Variants in GARRE1 observed in about 807,000 individuals in gnomAD.
GARRE1 encodes granule associated Rac and RHOG effector 1, also known as granule associated Rac and RHOG effector protein 1.
Under a neutral mutation model 103.2 loss-of-function variants are expected in GARRE1, and 49 were observed. The observed-to-expected ratio is 0.47, with a 90% CI of 0.38 to 0.60. GARRE1 has a LOEUF of 0.60. Ranked by LOEUF, GARRE1 falls within the 20% of genes least tolerant of loss-of-function variation. The probability of loss-of-function intolerance (pLI) is 0.00; values close to 1 mark genes in which losing one functional copy is unlikely to be tolerated. For missense variants in GARRE1, 1,199 were observed against 1,370.5 expected, an observed-to-expected ratio of 0.87 and a Z score of 1.98; for synonymous variants, 505 against 532.8, an observed-to-expected ratio of 0.95 and a Z score of 0.72.
At chr19:34,325,615 A>G (rs1240339900) in intron 3 of GARRE1, among the ~76,000 whole-genome samples, 1 of 152,164 alleles carries the variant, frequency 6.6e-6, no homozygotes, top group African/African-American at 2.4e-5. Flanking sequence ...TGTTCAGGGA[A>G]TCGTTACTTC....
chr19:34,353,501 G>C lies in GARRE1; in HGVS notation c.*546G>C, dbSNP rs145522266. ...ATATTTTAAGATAACAGATATACTG[G>C]CTGGAGGTTTGTTTAACACTATCTA... On this transcript the variant is annotated 3_prime_UTR_variant, in exon 14 of 14. Coordinates refer to ENST00000299505, the MANE Select transcript of GARRE1 (RefSeq NM_014686.5). 6.5e-6 allele frequency: 1 copy of C among 153,766 alleles called. No homozygotes were observed. The highest frequency in any genetic ancestry group is 1.9e-4 in the East Asian group (1 of 5,194). The allele number at this position is 153,766 out of a possible 1,614,324, so 9.5% of individuals were successfully genotyped here.
chr19:34,348,095 AG>A, intron 11 of GARRE1, 53 bp downstream of exon 11: 2 of 1,357,962 alleles, frequency 1.5e-6, no homozygotes, highest in African/African-American at 3.0e-5. Context: ...GTGTCCCCCG[AG>A]GGGCCTGTGA....
intron 1 of GARRE1, among the ~76,000 whole-genome samples, chr19:34,291,356 A>T (rs1358751215): frequency 6.6e-6 from 1 of 152,222 alleles, no homozygotes; most frequent in Non-Finnish European, 1.5e-5. Context: ...ATTTATTATT[A>T]TTAGTTTTTG....
intron 8 of GARRE1, among the ~76,000 whole-genome samples, chr19:34,337,102 G>GTTT: frequency 6.8e-6 from 1 of 147,672 alleles, no homozygotes. Context: ...TTGTTGGGAA[G>GTTT]AACACAAACA....
chr19:34,269,474 TA>T (rs1267105482), intron 1 of GARRE1, among the ~76,000 whole-genome samples: 1 of 152,260 alleles, frequency 6.6e-6, no homozygotes, highest in Non-Finnish European at 1.5e-5. Context: ...CATAGCTCAG[TA>T]TAGGATAACA....
In GARRE1 at chr19:34,352,728, G is replaced by A. The variant is rs187942647; in HGVS notation, c.2986G>A (p.Ala996Thr). The change falls in exon 14 of 14, where the codon GCA becomes ACA. Residue 996 changes from alanine to threonine, a missense_variant. Ala to Thr is a moderately conservative substitution (Grantham distance 58, BLOSUM62 0). Transcript: ENST00000299505. Reference sequence around the variant, plus strand: ...TCCCAGCACGCTGCCCAGCCCCAGCGCACCACTCTATGCAGTCACCAGCCC... The same window carrying A: ...TCCCAGCACGCTGCCCAGCCCCAGCACACCACTCTATGCAGTCACCAGCCC... ...PLPSTLPSPS[A>T]PLYAVTSPGS... 3.6e-4 allele frequency: 574 copies of A among 1,614,010 alleles called. No homozygotes were observed. Among genetic ancestry groups the A allele is most frequent in the East Asian group, 1.3e-3 (57 of 44,870 alleles).
chr19:34,271,182 A>G (rs1200248417), intron 1 of GARRE1, among the ~76,000 whole-genome samples: 1 of 151,244 alleles, frequency 6.6e-6, no homozygotes, highest in Non-Finnish European at 1.5e-5. Context: ...TTAGTTTGCT[A>G]CTTAGAGTAT....
At chr19:34,262,585 C>G (rs1422884730) in intron 1 of GARRE1, among the ~76,000 whole-genome samples, 1 of 152,048 alleles carries the variant, frequency 6.6e-6, no homozygotes, top group Non-Finnish European at 1.5e-5. Context: ...CGTGAGTCAC[C>G]TCGCCTGGCC....
intron 9 of GARRE1, among the ~76,000 whole-genome samples, chr19:34,340,806 C>A (rs936345971): frequency 6.6e-6 from 1 of 152,188 alleles, no homozygotes; most frequent in African/African-American, 2.4e-5. Flanking sequence ...GCGTGAGCCA[C>A]CATGCCCAAC....
chr19:34,304,451 C>T (rs1006621041), intron 2 of GARRE1, among the ~76,000 whole-genome samples: 2 of 150,598 alleles, frequency 1.3e-5, no homozygotes, highest in African/African-American at 2.5e-5. Flanking sequence ...TCTTGGCTCA[C>T]AGCAGCCTCT....
chr19:34,312,741 AC>A (rs1352093146), intron 2 of GARRE1, among the ~76,000 whole-genome samples: 1 of 152,160 alleles, frequency 6.6e-6, no homozygotes, highest in East Asian at 1.9e-4. Flanking sequence ...AGCCTGGCCA[AC>A]ATGGTGAAAC....
At position 34,352,700 on chromosome 19, in the gene GARRE1, G is replaced by T; in HGVS notation, c.2958G>T (p.Pro986=). 2 of 1,613,704 alleles carry T rather than the reference G, an allele frequency of 1.2e-6. No homozygotes were observed. Among genetic ancestry groups the T allele is most frequent in the South Asian group, 1.1e-5 (1 of 91,068 alleles). The change falls in exon 14 of 14, where the codon CCG becomes CCT. Residue 986 remains proline, a synonymous_variant. Transcript: ENST00000299505. ...AAGCACCCTGGCAGCACCCTTCCCCGCTTCCCAGCACGCTGCCCAGCCCCA... is the reference window on the plus strand; with the variant it reads ...AAGCACCCTGGCAGCACCCTTCCCCTCTTCCCAGCACGCTGCCCAGCCCCA... ...PPKAPWQHPS[P]LPSTLPSPSA...
At chr19:34,314,096 C>T (rs193202727) in intron 2 of GARRE1, among the ~76,000 whole-genome samples, 424 of 152,216 alleles carry the variant, frequency 2.8e-3, no homozygotes, top group Non-Finnish European at 4.2e-3. Flanking sequence ...CCACCGTGCC[C>T]GGCCAAAACT....
chr19:34,286,759 C>T (rs567273005), intron 1 of GARRE1, among the ~76,000 whole-genome samples: 1 of 152,144 alleles, frequency 6.6e-6, no homozygotes, highest in East Asian at 1.9e-4. Context: ...CCTCGGCCTC[C>T]CAAAGTGCTG....
chr19:34,320,850 G>A (rs2074084139), intron 3 of GARRE1, among the ~76,000 whole-genome samples: 1 of 149,488 alleles, frequency 6.7e-6, no homozygotes, highest in South Asian at 2.1e-4. Context: ...CCTCTTCCAA[G>A]TAGCTGGGAC....
At chr19:34,340,280 A>G (rs2145278362) in intron 9 of GARRE1, among the ~76,000 whole-genome samples, 1 of 152,278 alleles carries the variant, frequency 6.6e-6, no homozygotes, top group South Asian at 2.1e-4. Flanking sequence ...AACTCAACTC[A>G]TATTCTCCTT....
At chr19:34,303,709 G>A (rs1348287005) in intron 2 of GARRE1, among the ~76,000 whole-genome samples, 2 of 152,070 alleles carry the variant, frequency 1.3e-5, no homozygotes, top group East Asian at 1.9e-4. Context: ...TCCGCTGCCC[G>A]GGTTCAAGCA....
At chr19:34,332,270 G>A (rs1404511097) in intron 7 of GARRE1, among the ~76,000 whole-genome samples, 2 of 152,198 alleles carry the variant, frequency 1.3e-5, no homozygotes, top group South Asian at 2.1e-4. Flanking sequence ...TCCAAAAGAA[G>A]TAGTAAACCA....
At chr19:34,322,692 A>G (rs1020460033) in intron 3 of GARRE1, among the ~76,000 whole-genome samples, 36 of 151,616 alleles carry the variant, frequency 2.4e-4, no homozygotes, top group Non-Finnish European at 4.7e-4. Flanking sequence ...GGTTCAAGCA[A>G]TTCTCCTGCC....
Sources: allele counts gnomAD v4.1 joint callset (sites outside exome capture counted in the v4.1 genomes callset), GRCh38; gene constraint gnomAD v4.1.1; transcripts MANE v1.5; gene names NCBI Gene and HGNC (gene_info 2026-07-23, HGNC 2026-07-21).